Variants in RANBP2 observed in about 807,000 individuals in gnomAD.
RANBP2 encodes the protein E3 SUMO-protein ligase RanBP2.
Under a neutral mutation model 303.6 loss-of-function variants are expected in RANBP2, and 57 were observed. The ratio of observed to expected loss-of-function variants is 0.19; its 90% CI spans 0.15 to 0.23. The LOEUF (loss-of-function observed/expected upper bound fraction) is 0.23, where lower values mean the gene tolerates loss of function less well. Ranked by LOEUF, RANBP2 falls within the 10% of genes least tolerant of loss-of-function variation. RANBP2 has a pLI of 1.00. For synonymous variants in RANBP2, 1,167 were observed against 1,301.5 expected (o/e 0.90, Z 2.23); for missense variants, 3,138 against 3,780.8 (o/e 0.83, Z 4.46).
chr2:108,949,699 C>G, the RANBP2 span, among the ~76,000 whole-genome samples: 1 of 152,170 alleles, frequency 6.6e-6, no homozygotes, highest in African/African-American at 2.4e-5. Context: ...ACCAGAGAGG[C>G]CACTGAACCC....
chr2:109,248,887 T>TTCCTG, the RANBP2 span, among the ~76,000 whole-genome samples: 33 of 145,964 alleles, frequency 2.3e-4, no homozygotes, highest in South Asian at 1.4e-3. Context: ...TTCCTGTCCT[T>TTCCTG]TCCTGTCCTG....
the RANBP2 span, among the ~76,000 whole-genome samples, chr2:109,098,300 T>C: frequency 1.1e-4 from 17 of 152,304 alleles, no homozygotes; most frequent in Admixed American, 4.6e-4. Flanking sequence ...CAACATGGAA[T>C]CACTCATGCT....
At chr2:109,660,160 G>A in the RANBP2 span, among the ~76,000 whole-genome samples, 204 of 152,322 alleles carry the variant, frequency 1.3e-3, no homozygotes, top group African/African-American at 4.7e-3. Flanking sequence ...AAAATGGAAC[G>A]TTCCTCTGAT....
the RANBP2 span, among the ~76,000 whole-genome samples, chr2:108,962,767 C>T: frequency 6.1e-3 from 919 of 151,810 alleles, 12 homozygotes; most frequent in African/African-American, 0.021. Context: ...ATGACACCAT[C>T]GCACACACAC....
chr2:109,257,328 T>G, the RANBP2 span, among the ~76,000 whole-genome samples: 1 of 138,030 alleles, frequency 7.2e-6, no homozygotes, highest in African/African-American at 2.9e-5. Context: ...GAAGGAGGAA[T>G]GAAGGAAAGA....
At chr2:109,280,344 C>T in the RANBP2 span, among the ~76,000 whole-genome samples, 1 of 152,170 alleles carries the variant, frequency 6.6e-6, no homozygotes, top group Non-Finnish European at 1.5e-5. Flanking sequence ...CACAGCCAGC[C>T]AGTGGCAGTG....
At chr2:109,043,446 G>A in the RANBP2 span, among the ~76,000 whole-genome samples, 3 of 152,030 alleles carry the variant, frequency 2.0e-5, no homozygotes, top group Non-Finnish European at 4.4e-5. Context: ...AGGATCAAGC[G>A]ATTCTCCTGT....
the RANBP2 span, among the ~76,000 whole-genome samples, chr2:109,463,242 G>A: frequency 6.6e-6 from 1 of 152,242 alleles, no homozygotes; most frequent in African/African-American, 2.4e-5. Context: ...TTCTCTTCCA[G>A]GAATATAATG....
chr2:109,090,308 CCTCACACACACACACACA>C, the RANBP2 span, among the ~76,000 whole-genome samples: 11 of 132,732 alleles, frequency 8.3e-5, no homozygotes, highest in East Asian at 1.9e-3. Flanking sequence ...GGACACCTCG[CCTCACACACACACACACA>C]CACACACACA....
chr2:109,378,315 AC>A, the RANBP2 span, among the ~76,000 whole-genome samples: 1 of 152,172 alleles, frequency 6.6e-6, no homozygotes, highest in Non-Finnish European at 1.5e-5. Context: ...TCTAAGAGAA[AC>A]CCAGCATGCC....
chr2:109,229,888 A>C, the RANBP2 span, among the ~76,000 whole-genome samples: 2 of 146,062 alleles, frequency 1.4e-5, no homozygotes, highest in Admixed American at 1.4e-4. Context: ...GCAGTGGCGC[A>C]ATCTTGGCTC....
At chr2:108,736,971 A>T (rs826575) in intron 6 of RANBP2, among the ~76,000 whole-genome samples, 1 of 144,648 alleles carries the variant, frequency 6.9e-6, no homozygotes, top group African/African-American at 2.6e-5. Flanking sequence ...CAGAGATTGT[A>T]TGCCTGTAAA....
chr2:108,894,492 GATT>G, the RANBP2 span: 1 of 152,208 alleles, frequency 6.6e-6, no homozygotes, highest in Non-Finnish European at 1.5e-5. Flanking sequence ...TGTTTATTGA[GATT>G]ATAAAATATA....
the RANBP2 span, among the ~76,000 whole-genome samples, chr2:109,467,335 C>A: frequency 6.6e-6 from 1 of 152,266 alleles, no homozygotes; most frequent in Non-Finnish European, 1.5e-5. Context: ...ATACACACAG[C>A]AATGGAAGGG....
chr2:109,597,273 T>C, the RANBP2 span, among the ~76,000 whole-genome samples: 1 of 152,192 alleles, frequency 6.6e-6, no homozygotes, highest in Non-Finnish European at 1.5e-5. Context: ...GCAGGAAAAG[T>C]AATAATAGGA....
At chr2:108,733,163 T>G (rs1224216896) in intron 4 of RANBP2, among the ~76,000 whole-genome samples, 2 of 151,808 alleles carry the variant, frequency 1.3e-5, no homozygotes, top group Non-Finnish European at 2.9e-5. Context: ...TCAGTCACCA[T>G]AATACCATTT....
the RANBP2 span, among the ~76,000 whole-genome samples, chr2:109,137,053 A>G: frequency 5.9e-5 from 9 of 152,218 alleles, no homozygotes; most frequent in South Asian, 8.3e-4. Context: ...CAGCGATTGC[A>G]TTGGTCTCTA....
At chr2:109,257,401 AG>A in the RANBP2 span, among the ~76,000 whole-genome samples, 1 of 149,048 alleles carries the variant, frequency 6.7e-6, no homozygotes, top group South Asian at 2.1e-4. Flanking sequence ...AAGGAGGGAG[AG>A]GAAGGGAAGG....
At chr2:109,634,026 A>G in the RANBP2 span, among the ~76,000 whole-genome samples, 1 of 149,030 alleles carries the variant, frequency 6.7e-6, no homozygotes, top group African/African-American at 2.5e-5. Context: ...AGGCTGAGAC[A>G]GCAGAATCAC....
Sources: allele counts gnomAD v4.1 joint callset (sites outside exome capture counted in the v4.1 genomes callset), GRCh38; gene constraint gnomAD v4.1.1; transcripts MANE v1.5; gene names NCBI Gene and HGNC (gene_info 2026-07-23, HGNC 2026-07-21).